COL9A3: variants seen among roughly 807,000 people sequenced by gnomAD.
COL9A3 encodes the protein collagen type IX alpha 3 chain.
Under a neutral mutation model 110.2 loss-of-function variants are expected in COL9A3, and 82 were observed. The observed-to-expected ratio is 0.74, with a 90% CI of 0.62 to 0.89. The LOEUF (loss-of-function observed/expected upper bound fraction) is 0.89, where lower values mean the gene tolerates loss of function less well. Ranked by LOEUF, COL9A3 falls within the 40% of genes least tolerant of loss-of-function variation. The pLI is 0.00. For synonymous variants in COL9A3, 494 were observed against 403.8 expected (o/e 1.22, Z -2.68); for missense variants, 1,066 against 981.3 (o/e 1.09, Z -1.15).
intron 27 of COL9A3, 33 bp downstream of exon 27, chr20:62,835,986 T>C (rs2063631853): frequency 1.2e-6 from 2 of 1,614,034 alleles, no homozygotes; most frequent in African/African-American, 1.3e-5. Context: ...GATGACACCA[T>C]CCATGGGCGC....
rs2063673216 is a variant in COL9A3 at position 62,840,872 on chromosome 20, G to A, written c.*140G>A. 1 of 930,384 alleles carries A rather than the reference G, an allele frequency of 1.1e-6. No individual in the cohort carries two copies. Among genetic ancestry groups the A allele is most frequent in the Admixed American group, 2.2e-5 (1 of 45,726 alleles). The allele number at this position is 930,384 out of a possible 1,614,324, so 57.6% of individuals were successfully genotyped here. A position where few individuals can be genotyped will look rare whatever the true frequency, so the allele number is the denominator to read the frequency against. On this transcript the variant is annotated 3_prime_UTR_variant, in exon 32 of 32. Transcript: ENST00000649368. ...CCTCGGCCGCCGACTGGACGCGCGG[G>A]CCTTGCCAGCGAGCACCCTCATCGG...
chr20:62,834,931 G>A lies in COL9A3; in HGVS notation c.1369-990G>A, dbSNP rs2063623921. Among the ~76,000 whole-genome samples, 4 of 152,334 alleles carry A rather than the reference G, an allele frequency of 2.6e-5. No individual in the cohort carries two copies. In the South Asian group the frequency reaches 6.2e-4, roughly 24 times the overall value. On this transcript the variant is annotated intron_variant, in intron 26 of 31. Coordinates refer to ENST00000649368, the MANE Select transcript of COL9A3 (RefSeq NM_001853.4). Reference sequence around the variant, plus strand: ...TGGGATTACAGGCGTGAGCCACCTCGCCCAGCCCATTTAGTGAATTCTTAG... The same window carrying A: ...TGGGATTACAGGCGTGAGCCACCTCACCCAGCCCATTTAGTGAATTCTTAG...
At position 62,837,285 on chromosome 20, in the gene COL9A3, A is replaced by T. The variant is rs1475304948; in HGVS notation, c.1786+20A>T. The T allele has an allele frequency of 1.2e-6, 2 of 1,605,542 alleles. No individual in the cohort carries two copies. Among genetic ancestry groups the T allele is most frequent in the African/African-American group, 2.7e-5 (2 of 74,988 alleles). On this transcript the variant is annotated intron_variant, in intron 30 of 31. Coordinates refer to ENST00000649368, the MANE Select transcript of COL9A3 (RefSeq NM_001853.4). ...CCAGAGGTGAGTGTTTGACCCCATG[A>T]CACGGTCACCCTGCTGTAAAAATCC...
At chr20:62,826,680 G>T in intron 14 of COL9A3, 87 bp from the exon 15 acceptor site, 1 of 1,448,034 alleles carries the variant, frequency 6.9e-7, no homozygotes, top group South Asian at 1.2e-5. Context: ...AGGGCTGCTT[G>T]TGTCTGGGCC....
chr20:62,836,107 G>T, intron 27 of COL9A3, 80 bp from the exon 28 acceptor site: 3 of 1,604,322 alleles, frequency 1.9e-6, no homozygotes, highest in Non-Finnish European at 2.6e-6. Context: ...ACGGCTCCGT[G>T]CCGGCTGGGA....
chr20:62,840,117 C>T (rs1234273264), intron 31 of COL9A3, among the ~76,000 whole-genome samples: 6 of 152,124 alleles, frequency 3.9e-5, no homozygotes, highest in African/African-American at 1.4e-4. Flanking sequence ...GTGAAGGGCT[C>T]TGACACCCCC....
At chr20:62,816,694 G>C (rs1471923066), upstream of COL9A3, among the ~76,000 whole-genome samples, 1 of 152,216 alleles carries the variant, frequency 6.6e-6, no homozygotes, top group Non-Finnish European at 1.5e-5. Context: ...GGTCTCCCCT[G>C]CCCCTCCCTG....
intron 2 of COL9A3, 127 bp from the exon 3 acceptor site, chr20:62,818,391 C>A (rs889459088): frequency 5.5e-6 from 5 of 903,188 alleles, no homozygotes; most frequent in African/African-American, 3.3e-5. Context: ...GGCTCAGGGG[C>A]CCCTTTTGTC....
At position 62,826,277 on chromosome 20, in the gene COL9A3, G is replaced by T; in HGVS notation, c.738+20G>T. On this transcript the variant is annotated intron_variant, in intron 14 of 31. Coordinates refer to ENST00000649368, the MANE Select transcript of COL9A3 (RefSeq NM_001853.4). ...GACCGGGTAAGTCCTGCAGCCCCTA[G>T]TGGGGGCCGGCCAGGTGGCTGGGGG... 6.5e-7 allele frequency: 1 copy of T among 1,546,208 alleles called. No individual in the cohort carries two copies. The highest frequency in any genetic ancestry group is 1.2e-5 in the South Asian group (1 of 84,032).
At position 62,829,698 on chromosome 20, in the gene COL9A3, C is replaced by A. The variant is rs150364425; in HGVS notation, c.1107+17C>A. On this transcript the variant is annotated intron_variant, in intron 21 of 31. Coordinates refer to ENST00000649368, the MANE Select transcript of COL9A3 (RefSeq NM_001853.4). ...GGCGTCCCTGTGAGTATCTGCGGCG[C>A]CCCAGACCCCTCCCCATCCAGCCTG... 382 of 1,604,778 alleles carry A rather than the reference C, an allele frequency of 2.4e-4. 1 individual carries two copies. The highest frequency in any genetic ancestry group is 3.2e-4 in the Non-Finnish European group (374 of 1,176,642).
At chr20:62,831,972 C>G (rs2063600590) in intron 24 of COL9A3, 182 bp from the exon 25 acceptor site, 1 of 699,260 alleles carries the variant, frequency 1.4e-6, no homozygotes, top group Non-Finnish European at 2.6e-6. Context: ...AGCCATCGGG[C>G]CCAGAGGCTG....
chr20:62,820,213 T>C (rs531930336), intron 5 of COL9A3, among the ~76,000 whole-genome samples: 2 of 152,070 alleles, frequency 1.3e-5, no homozygotes, highest in South Asian at 4.1e-4. Context: ...ATCCAGACCA[T>C]GGCAGGGAGA....
At position 62,821,782 on chromosome 20, in the gene COL9A3, C is replaced by G. The variant is rs751776191; in HGVS notation, c.395C>G (p.Pro132Arg). The G allele has an allele frequency of 6.8e-6, 11 of 1,610,310 alleles. No homozygotes were observed. Among genetic ancestry groups the G allele is most frequent in the Middle Eastern group, 3.4e-4 (2 of 5,890 alleles). Residue 132 changes from proline (P) to arginine (R), a missense_variant, in exon 8 of 32, where the codon CCA (proline) becomes CGA (arginine). Transcript: ENST00000649368. ...PPGEAGVSGP[P>R]GGIGLRGPPG... ...GGAGAGGCAGGAGTGAGCGGCCCCC[C>G]AGGTGGGATCGGCCTCCGCGGCCCC...
chr20:62,838,353 G>A (rs1017029782), intron 30 of COL9A3, among the ~76,000 whole-genome samples: 4 of 152,188 alleles, frequency 2.6e-5, no homozygotes, highest in African/African-American at 4.8e-5. Context: ...TCTTGTGGGC[G>A]GTTCTAACCT....
Position 62,817,137 on chromosome 20 carries a change from G to A in COL9A3, c.73G>A (p.Ala25Thr). 5.7e-6 allele frequency: 8 copies of A among 1,395,124 alleles called. No homozygotes were observed. Among genetic ancestry groups the A allele is most frequent in the South Asian group, 1.4e-5 (1 of 70,738 alleles). 86.4% of individuals were successfully genotyped at this position (1,395,124 alleles called of 1,614,324 possible). A position where few individuals can be genotyped will look rare whatever the true frequency, so the allele number is the denominator to read the frequency against. ...LLGELLAAAG[A>T]QRVGLPGPPG... ...CGGGGAGCTTCTGGCGGCCGCCGGG[G>A]CGCAGGTGAGCGCGAGCTCCGGGCT... is the stretch of plus-strand genomic sequence containing the variant. Residue 25 changes from alanine (A) to threonine (T), a missense_variant, in exon 1 of 32, where the codon GCG becomes ACG. Coordinates refer to ENST00000649368, the MANE Select transcript of COL9A3 (RefSeq NM_001853.4).
chr20:62,818,632 T>TATCCTGTCTC (rs1991015541), intron 3 of COL9A3, 79 bp downstream of exon 3: 2 of 1,436,470 alleles, frequency 1.4e-6, no homozygotes, highest in Non-Finnish European at 2.0e-6. Context: ...GGGTCATTGA[T>TATCCTGTCTC]ATCCTGTCTC....
At position 62,830,363 on chromosome 20, in the gene COL9A3, G is replaced by A. The variant is rs981925850; in HGVS notation, c.1165G>A (p.Ala389Thr). ...ACACCTCACCTTTGTCTTCCAGGGG[G>A]CCCTCGGCCCACAAGGCCCTCCCGG... is the stretch of plus-strand genomic sequence containing the variant. ...GEAGHRGSAG[A>T]LGPQGPPGAP... Residue 389 changes from alanine to threonine, a missense_variant, in exon 23 of 32, where the codon GCC becomes ACC. Ala to Thr is a moderately conservative substitution (Grantham distance 58). Transcript: ENST00000649368. The A allele has an allele frequency of 7.0e-6, 11 of 1,571,024 alleles. No individual in the cohort carries two copies. The East Asian group carries it at 7.0e-5, about 10-fold the overall frequency.
upstream of COL9A3, among the ~76,000 whole-genome samples, chr20:62,816,512 C>G (rs1990914709): frequency 6.6e-6 from 1 of 152,238 alleles, no homozygotes; most frequent in Non-Finnish European, 1.5e-5. Context: ...GGGGTGCTCC[C>G]AGCCCAGCAG....
At position 62,821,783 on chromosome 20, in the gene COL9A3, A is replaced by C; in HGVS notation, c.396A>C (p.Pro132=). Residue 132 remains proline, a synonymous_variant, in exon 8 of 32, where the codon CCA becomes CCC. Transcript: ENST00000649368. ...PPGEAGVSGP[P]GGIGLRGPPG... ...GAGAGGCAGGAGTGAGCGGCCCCCC[A>C]GGTGGGATCGGCCTCCGCGGCCCCC... 3.1e-6 allele frequency: 5 copies of C among 1,610,270 alleles called. No homozygotes were observed. The highest frequency in any genetic ancestry group is 3.4e-6 in the Non-Finnish European group (4 of 1,178,696).
Sources: gnomAD v4.1 joint callset for allele counts (sites outside exome capture counted in the v4.1 genomes callset) on GRCh38, gnomAD v4.1.1 for gene constraint, MANE v1.5 for transcripts, NCBI Gene and HGNC (gene_info 2026-07-23, HGNC 2026-07-21) for gene names.